PRKG1: variants seen among roughly 807,000 people sequenced by gnomAD.
PRKG1 encodes the protein cGMP-dependent protein kinase 1.
PRKG1 carries 35 observed loss-of-function variants against 88.1 expected under a neutral mutation model. The observed-to-expected ratio is 0.40, with a 90% confidence interval of 0.30 to 0.53. The LOEUF (loss-of-function observed/expected upper bound fraction) is 0.53, where lower values mean the gene tolerates loss of function less well. Among genes scored for constraint, PRKG1 ranks in the 20% least tolerant of loss-of-function variants. The probability of loss-of-function intolerance (pLI) is 0.59; values close to 1 mark genes in which losing one functional copy is unlikely to be tolerated. For missense variants in PRKG1, 540 were observed against 839.8 expected (o/e 0.64, Z 4.41); for synonymous variants, 303 against 292.5 (o/e 1.04, Z -0.37).
intron 7 of PRKG1, among the ~76,000 whole-genome samples, chr10:52,064,214 C>T (rs1242001646): frequency 6.6e-6 from 1 of 152,150 alleles, no homozygotes; most frequent in African/African-American, 2.4e-5. Context: ...CACTGGATTC[C>T]CTCCTATGCT....
intron 5 of PRKG1, among the ~76,000 whole-genome samples, chr10:51,968,106 A>T (rs1843617333): frequency 6.6e-6 from 1 of 152,082 alleles, no homozygotes; most frequent in East Asian, 1.9e-4. Context: ...GAGTTTTGTT[A>T]CTCAAAATGG....
At chr10:52,281,491 T>C (rs1397805949) in intron 13 of PRKG1, among the ~76,000 whole-genome samples, 2 of 152,156 alleles carry the variant, frequency 1.3e-5, no homozygotes, top group Non-Finnish European at 2.9e-5. Context: ...AGAATTGTTA[T>C]TCAGCATGTG....
At chr10:51,268,373 G>T (rs1221121044) in intron 2 of PRKG1, among the ~76,000 whole-genome samples, 1 of 152,134 alleles carries the variant, frequency 6.6e-6, no homozygotes, top group Non-Finnish European at 1.5e-5. Flanking sequence ...AGTGCTATGG[G>T]AGACTGGGGC....
intron 3 of PRKG1, among the ~76,000 whole-genome samples, chr10:51,714,271 C>T (rs1248308866): frequency 6.6e-6 from 1 of 152,194 alleles, no homozygotes; most frequent in Non-Finnish European, 1.5e-5. Context: ...AGCCACTGCT[C>T]CCGGCCTATT....
At chr10:51,681,537 A>C (rs1012620018) in intron 3 of PRKG1, among the ~76,000 whole-genome samples, 21 of 152,094 alleles carry the variant, frequency 1.4e-4, no homozygotes, top group Non-Finnish European at 2.9e-4. Flanking sequence ...CCTTAAAAAA[A>C]CCCCTCAGAT....
At chr10:51,277,438 A>C (rs1264558873) in intron 2 of PRKG1, among the ~76,000 whole-genome samples, 1 of 152,040 alleles carries the variant, frequency 6.6e-6, no homozygotes. Flanking sequence ...TTGTCTTGGC[A>C]ATGTGGGCTC....
chr10:51,072,650 A>G (rs1211867603), upstream of PRKG1, among the ~76,000 whole-genome samples: 1 of 152,166 alleles, frequency 6.6e-6, no homozygotes, highest in Non-Finnish European at 1.5e-5. Flanking sequence ...TGCACTTCTG[A>G]AAGTCTGTGT....
At chr10:52,218,757 T>C (rs1418460624) in intron 9 of PRKG1, among the ~76,000 whole-genome samples, 1 of 152,170 alleles carries the variant, frequency 6.6e-6, no homozygotes, top group Non-Finnish European at 1.5e-5. Flanking sequence ...TCCCTTTTGA[T>C]ACCTTCAAAG....
At chr10:51,910,251 G>C (rs1056004415) in intron 5 of PRKG1, 1 of 151,902 alleles carries the variant, frequency 6.6e-6, no homozygotes, top group African/African-American at 2.4e-5. Flanking sequence ...TAAATCCAGT[G>C]GGGGTACTCT....
intron 3 of PRKG1, among the ~76,000 whole-genome samples, chr10:51,640,284 C>T (rs1435789738): frequency 1.3e-5 from 2 of 152,132 alleles, no homozygotes; most frequent in African/African-American, 2.4e-5. Flanking sequence ...ATCATTAAAC[C>T]AGCAGTAGTC....
At chr10:51,769,354 A>G (rs1378117523) in intron 3 of PRKG1, among the ~76,000 whole-genome samples, 3 of 152,220 alleles carry the variant, frequency 2.0e-5, no homozygotes, top group Non-Finnish European at 2.9e-5. Flanking sequence ...AAATGAAGTC[A>G]TTACTGAGTG....
intron 4 of PRKG1, among the ~76,000 whole-genome samples, chr10:51,846,470 G>C (rs1274792627): frequency 6.6e-6 from 1 of 152,082 alleles, no homozygotes; most frequent in African/African-American, 2.4e-5. Flanking sequence ...ATGGTAATAG[G>C]ACAGTGGCAG....
At chr10:51,389,553 C>T (rs652339) in intron 2 of PRKG1, among the ~76,000 whole-genome samples, 2,792 of 152,202 alleles carry the variant, frequency 0.018, 78 homozygotes, top group African/African-American at 0.064. Flanking sequence ...AGGCAGACAG[C>T]TCTAGGTTTG....
intron 5 of PRKG1, among the ~76,000 whole-genome samples, chr10:52,005,605 GC>G (rs1468894244): frequency 6.6e-6 from 1 of 152,138 alleles, no homozygotes; most frequent in Non-Finnish European, 1.5e-5. Flanking sequence ...AGTAACATGG[GC>G]ATTTCCACCC....
intron 1 of PRKG1, among the ~76,000 whole-genome samples, chr10:51,120,304 G>T (rs1845229789): frequency 6.6e-6 from 1 of 152,040 alleles, no homozygotes; most frequent in Admixed American, 6.6e-5. Flanking sequence ...AGTTGTTGAG[G>T]TTGTTGATTC....
chr10:51,053,059 G>A (rs538148030), intron 1 of PRKG1, among the ~76,000 whole-genome samples: 30 of 152,024 alleles, frequency 2.0e-4, no homozygotes, highest in African/African-American at 7.0e-4. Flanking sequence ...GTGAAACCCC[G>A]TCTCTACTAA....
At chr10:51,066,500 G>C (rs1481926257) in intron 1 of PRKG1, among the ~76,000 whole-genome samples, 1 of 152,098 alleles carries the variant, frequency 6.6e-6, no homozygotes, top group Non-Finnish European at 1.5e-5. Flanking sequence ...TGTGTATGTA[G>C]ATAGCAATAG....
chr10:51,398,686 T>A (rs1186409559), intron 2 of PRKG1, among the ~76,000 whole-genome samples: 1 of 152,224 alleles, frequency 6.6e-6, no homozygotes, highest in Non-Finnish European at 1.5e-5. Flanking sequence ...ATTCTGGGTA[T>A]CCACGAAGGT....
At chr10:51,113,902 G>A (rs1845039589) in intron 1 of PRKG1, among the ~76,000 whole-genome samples, 3 of 151,634 alleles carry the variant, frequency 2.0e-5, no homozygotes, top group Non-Finnish European at 4.4e-5. Context: ...TTAGGGAAGG[G>A]GGATTTCCAG....
Sources: allele counts gnomAD v4.1 joint callset (sites outside exome capture counted in the v4.1 genomes callset), GRCh38; gene constraint gnomAD v4.1.1; transcripts MANE v1.5; gene names NCBI Gene and HGNC (gene_info 2026-07-23, HGNC 2026-07-21).